The following EYS variants were observed in gnomAD, a reference collection of about 807,000 sequenced individuals.
EYS encodes protein eyes shut homolog.
EYS carries 250 observed loss-of-function variants against 282.1 expected under a neutral mutation model. The ratio of observed to expected loss-of-function variants is 0.89; its 90% CI spans 0.80 to 0.98. EYS has a LOEUF of 0.98. Among genes scored for constraint, EYS ranks in the 50% least tolerant of loss-of-function variants. The probability of loss-of-function intolerance (pLI) is 0.00; values close to 1 mark genes in which losing one functional copy is unlikely to be tolerated. For missense variants in EYS, 4,016 were observed against 3,709.0 expected (o/e 1.08, Z -2.15); for synonymous variants, 1,355 against 1,282.9 (o/e 1.06, Z -1.20).
At chr6:64,202,057 T>C (rs774789022) in intron 31 of EYS, among the ~76,000 whole-genome samples, 5 of 152,182 alleles carry the variant, frequency 3.3e-5, no homozygotes, top group Non-Finnish European at 5.9e-5. Flanking sequence ...CAAATAAATA[T>C]CAAGTTTGTA....
intron 26 of EYS, among the ~76,000 whole-genome samples, chr6:64,520,204 T>A (rs1197156978): frequency 2.6e-5 from 4 of 151,752 alleles, no homozygotes; most frequent in Admixed American, 2.0e-4. Flanking sequence ...TCTCAACCCA[T>A]TTTGAGAACT....
intron 19 of EYS, among the ~76,000 whole-genome samples, chr6:64,854,240 G>C (rs189963281): frequency 3.9e-5 from 6 of 152,016 alleles, no homozygotes; most frequent in Non-Finnish European, 8.8e-5. Flanking sequence ...CTCAGCAATC[G>C]CATTACTGGG....
chr6:64,973,429 T>TA lies in EYS; in HGVS notation c.2259+24152dup, dbSNP rs1022511040. Among the ~76,000 whole-genome samples the TA allele has an allele frequency of 7.2e-5, 11 of 152,154 alleles. 1 individual carries two copies. The highest frequency in any genetic ancestry group is 6.2e-4 in the South Asian group (3 of 4,834). On this transcript the variant is annotated intron_variant, in intron 14 of 42. Coordinates refer to ENST00000503581, the MANE Select transcript of EYS (RefSeq NM_001142800.2). The stretch of plus-strand genomic sequence containing the variant: ...GTGAAGAAAAGGGAGTGTTAAAACA[T>TA]ACATCTAACAATAACACATAATTTA...
chr6:64,494,705 AT>A lies in EYS; in HGVS notation c.5645-55354del, dbSNP rs748047927. Reference sequence around the variant, plus strand: ...GATTGAAAAAACCACTACTCTTAACATTGGAATATGTGACCTTAAATTCTGG... The same window carrying A: ...GATTGAAAAAACCACTACTCTTAACATGGAATATGTGACCTTAAATTCTGG... On this transcript the variant is annotated intron_variant, in intron 26 of 42. Transcript: ENST00000503581. Among the ~76,000 whole-genome samples the A allele has an allele frequency of 1.1e-3, 165 of 151,744 alleles. 1 individual carries two copies. Among genetic ancestry groups the A allele is most frequent in the Non-Finnish European group, 1.7e-3 (114 of 67,746 alleles).
chr6:64,275,711 C>G lies in EYS; in HGVS notation c.6191+31259G>C, dbSNP rs560149400. The stretch of plus-strand genomic sequence containing the variant: ...GTGGCTCACCCCTGTAATCCCATCA[C>G]TTTGGGAGGCCGAGGCGGGCGGATC... On this transcript the variant is annotated intron_variant, in intron 30 of 42. Transcript: ENST00000503581. 1.1e-4 allele frequency among the ~76,000 whole-genome samples: 16 copies of G among 151,596 alleles called. No individual in the cohort carries two copies. In the East Asian group the frequency reaches 2.8e-3, roughly 26 times the overall value.
chr6:64,328,250 T>C (rs1770503366), intron 29 of EYS, among the ~76,000 whole-genome samples: 1 of 152,166 alleles, frequency 6.6e-6, no homozygotes, highest in Non-Finnish European at 1.5e-5. Context: ...ACCATAGAGT[T>C]ATACAAGCTG....
At chr6:64,095,072 G>GTT (rs1772540025) in intron 31 of EYS, among the ~76,000 whole-genome samples, 1 of 152,174 alleles carries the variant, frequency 6.6e-6, no homozygotes, top group Admixed American at 6.5e-5. Context: ...TTTTGAGTGA[G>GTT]TTTCTTAATC....
In EYS at chr6:64,081,971, C is replaced by T. The variant is rs1355562415; in HGVS notation, c.6456G>A (p.Gly2152=). Residue 2152 remains glycine, a synonymous_variant, in exon 32 of 43, where the codon GGG becomes GGA. Coordinates refer to ENST00000503581, the MANE Select transcript of EYS (RefSeq NM_001142800.2). ...AAAAGGGCAGTTCTAAATAGGAATT[C>T]CCATTGAAAGATGGAAAGAATAAAC... The part of the protein sequence containing the change: ...DAGLFFPSFN[G]NSYLELPFLK... The T allele has an allele frequency of 1.3e-6, 2 of 1,543,516 alleles. No homozygotes were observed. Among genetic ancestry groups the T allele is most frequent in the Admixed American group, 2.0e-5 (1 of 50,854 alleles).
intron 32 of EYS, among the ~76,000 whole-genome samples, chr6:64,068,591 G>A (rs188916178): frequency 1.1e-4 from 17 of 151,892 alleles, no homozygotes; most frequent in African/African-American, 2.9e-4. Flanking sequence ...GCACACCATC[G>A]CACATGTAAA....
rs141002497 is a variant in EYS, at chr6:64,096,752, C to T, written c.6425-14750G>A. Among the ~76,000 whole-genome samples, 1,356 of 152,304 alleles carry T rather than the reference C, an allele frequency of 8.9e-3. 18 individuals are homozygous for T. Among genetic ancestry groups the T allele is most frequent in the African/African-American group, 0.03 (1,248 of 41,566 alleles). On this transcript the variant is annotated intron_variant, in intron 31 of 42. Transcript: ENST00000503581. ...CGTCTGAAGCCTTCTTCTCTCAATT[C>T]GTCAAAGTCATTCTCCATCCAGCTT...
intron 5 of EYS, among the ~76,000 whole-genome samples, chr6:65,434,610 C>T (rs1044542335): frequency 7.2e-5 from 11 of 152,082 alleles, no homozygotes; most frequent in African/African-American, 2.2e-4. Context: ...TGAGCCACCG[C>T]GCCCGGCCAC....
chr6:65,688,662 G>T (rs12189794), intron 1 of EYS, among the ~76,000 whole-genome samples: 1 of 151,870 alleles, frequency 6.6e-6, no homozygotes, highest in Middle Eastern at 3.4e-3. Flanking sequence ...ACAATGAACT[G>T]AAACAAATTT....
intron 36 of EYS, among the ~76,000 whole-genome samples, chr6:63,816,960 T>TA (rs2149683978): frequency 6.6e-6 from 1 of 152,336 alleles, no homozygotes; most frequent in East Asian, 1.9e-4. Context: ...GGAGACTTCT[T>TA]AAAGTCTTTT....
At chr6:63,734,745 GAGA>G (rs1054698646) in intron 41 of EYS, among the ~76,000 whole-genome samples, 3 of 152,058 alleles carry the variant, frequency 2.0e-5, no homozygotes, top group African/African-American at 7.2e-5. Context: ...AGGTATTTTG[GAGA>G]AGATGTGGAG....
At chr6:64,728,890 G>A (rs1771860961) in intron 22 of EYS, 1 of 152,290 alleles carries the variant, frequency 6.6e-6, no homozygotes. Flanking sequence ...CTCTCTGTGG[G>A]GAGGGGAGCT....
At chr6:63,860,944 T>C (rs1299685798) in intron 36 of EYS, among the ~76,000 whole-genome samples, 1 of 152,180 alleles carries the variant, frequency 6.6e-6, no homozygotes, top group African/African-American at 2.4e-5. Flanking sequence ...TTCTTTATAT[T>C]TCTCTTCTAT....
chr6:65,004,241 T>C (rs1771563690), intron 13 of EYS, among the ~76,000 whole-genome samples: 1 of 147,620 alleles, frequency 6.8e-6, no homozygotes, highest in African/African-American at 2.4e-5. Flanking sequence ...TCACATTTCA[T>C]TAGATTTCCT....
At chr6:64,319,119 C>T (rs1052762862) in intron 29 of EYS, among the ~76,000 whole-genome samples, 1 of 151,714 alleles carries the variant, frequency 6.6e-6, no homozygotes, top group Non-Finnish European at 1.5e-5. Context: ...TAATGGTAGT[C>T]TTTGCTGTCT....
chr6:64,122,925 TG>T (rs200034527), intron 31 of EYS, among the ~76,000 whole-genome samples: 2 of 151,990 alleles, frequency 1.3e-5, no homozygotes, highest in African/African-American at 4.8e-5. Flanking sequence ...ATTTTTTTTT[TG>T]AATTTTCAGT....
Sources: gnomAD v4.1 joint callset for allele counts (sites outside exome capture counted in the v4.1 genomes callset) on GRCh38, gnomAD v4.1.1 for gene constraint, MANE v1.5 for transcripts, NCBI Gene and HGNC (gene_info 2026-07-23, HGNC 2026-07-21) for gene names.